Variants in PTPRB observed in about 807,000 individuals in gnomAD.
The protein encoded by PTPRB is receptor-type tyrosine-protein phosphatase beta.
PTPRB carries 97 observed loss-of-function variants against 238.1 expected under a neutral mutation model. That is an observed-to-expected ratio of 0.41 (90% CI 0.35 to 0.48). PTPRB has a LOEUF of 0.48. Among genes scored for constraint, PTPRB ranks in the 20% least tolerant of loss-of-function variants. The probability of loss-of-function intolerance (pLI) is 0.30; values close to 1 mark genes in which losing one functional copy is unlikely to be tolerated. For missense variants in PTPRB, 2,292 were observed against 2,681.9 expected, an observed-to-expected ratio of 0.85 and a Z score of 3.21; for synonymous variants, 970 against 995.4, an observed-to-expected ratio of 0.97 and a Z score of 0.48.
Position 70,569,925 on chromosome 12 carries a change from G to C in PTPRB, c.3384C>G (p.Val1128=). The C allele has an allele frequency of 6.2e-7, 1 of 1,608,348 alleles. No homozygotes were observed. The highest frequency in any genetic ancestry group is 1.1e-5 in the South Asian group (1 of 90,870). Residue 1128 remains valine, a synonymous_variant, in exon 14 of 34, where the codon GTC becomes GTG. Coordinates refer to ENST00000334414, the MANE Select transcript of PTPRB (RefSeq NM_001109754.4). ...CATTGGGAGAAATGTGAATATTTTT[G>C]ACAGCACTAGGAACTAAAACAGAAA... ...FIEGFTVPSA[V]KNIHISPNGA...
Position 70,576,781 on chromosome 12 carries a change from T to C in PTPRB, c.2579-136A>G, listed in dbSNP as rs192276659. 5.6e-4 allele frequency: 338 copies of C among 601,986 alleles called. 1 individual carries two copies. The highest frequency in any genetic ancestry group is 3.1e-3 in the Middle Eastern group (7 of 2,232). The allele number at this position is 601,986 out of a possible 1,614,324, so 37.3% of individuals were successfully genotyped here. On this transcript the variant is annotated intron_variant, in intron 10 of 33. Transcript: ENST00000334414. ...ACTCAGGAGATCTAATCTGATTATA[T>C]AAGAGGTCAAGGAAGCGTGAGGATT...
intron 33 of PTPRB, among the ~76,000 whole-genome samples, chr12:70,522,093 G>C (rs1871720111): frequency 6.6e-6 from 1 of 152,090 alleles, no homozygotes; most frequent in Non-Finnish European, 1.5e-5. Context: ...CTAAATAGTA[G>C]CTCTTTATTT....
At chr12:70,620,794 A>G (rs1431272802) in intron 3 of PTPRB, among the ~76,000 whole-genome samples, 4 of 152,232 alleles carry the variant, frequency 2.6e-5, no homozygotes, top group Non-Finnish European at 5.9e-5. Context: ...TGAGAGCTAA[A>G]TAATGTGTAC....
chr12:70,602,457 T>G (rs1465444889), intron 4 of PTPRB, among the ~76,000 whole-genome samples: 2 of 152,228 alleles, frequency 1.3e-5, no homozygotes, highest in Non-Finnish European at 2.9e-5. Context: ...CTAATCAGAT[T>G]GCTGTCCAAA....
chr12:70,555,685 T>C (rs930375120), intron 19 of PTPRB, among the ~76,000 whole-genome samples, 185 bp downstream of exon 19: 4 of 130,868 alleles, frequency 3.1e-5, no homozygotes, highest in Non-Finnish European at 6.5e-5. Context: ...CAGGGTACTT[T>C]ACCCAGAGAA....
intron 28 of PTPRB, 86 bp from the exon 29 acceptor site, chr12:70,536,245 G>A: frequency 7.0e-7 from 1 of 1,435,842 alleles, no homozygotes; most frequent in Non-Finnish European, 9.4e-7. Context: ...TAGATGATAG[G>A]GAGGTCTCTG....
Position 70,518,730 on chromosome 12 carries a change from C to T in PTPRB, c.*2759G>A, listed in dbSNP as rs431716. On this transcript the variant is annotated 3_prime_UTR_variant, in exon 34 of 34. Coordinates refer to ENST00000334414, the MANE Select transcript of PTPRB (RefSeq NM_001109754.4). ...TGCTTTCCAGAGAACAACAGAATGA[C>T]AATACAAAATTGATTTAATGAGATG... 0.97 allele frequency: 147,176 copies of T among 152,296 alleles called. 71,153 individuals carry two copies. Among genetic ancestry groups the T allele is most frequent in the East Asian group, 1 (5,171 of 5,174 alleles). 9.4% of individuals were successfully genotyped at this position (152,296 alleles called of 1,614,324 possible).
chr12:70,535,954 T>A, intron 29 of PTPRB, 71 bp downstream of exon 29: 1 of 1,587,674 alleles, frequency 6.3e-7, no homozygotes. Flanking sequence ...GGTTTCACTT[T>A]GATGATGGGG....
intron 16 of PTPRB, among the ~76,000 whole-genome samples, chr12:70,561,549 A>G (rs1313891531): frequency 6.6e-6 from 1 of 152,208 alleles, no homozygotes; most frequent in Non-Finnish European, 1.5e-5. Flanking sequence ...AGGTAAGGAA[A>G]GATGTGCAAA....
intron 28 of PTPRB, 120 bp from the exon 29 acceptor site, chr12:70,536,279 GAT>G: frequency 8.4e-7 from 1 of 1,193,178 alleles, no homozygotes; most frequent in Admixed American, 2.5e-5. Flanking sequence ...TTCAGAAAAA[GAT>G]ACTAACACAA....
chr12:70,561,495 T>G (rs1455223806), intron 16 of PTPRB, among the ~76,000 whole-genome samples: 1 of 152,234 alleles, frequency 6.6e-6, no homozygotes, highest in Non-Finnish European at 1.5e-5. Context: ...TTTTGGAGAA[T>G]GAAGACTGTT....
intron 28 of PTPRB, among the ~76,000 whole-genome samples, chr12:70,536,947 C>T (rs192878916): frequency 3.9e-4 from 59 of 152,258 alleles, no homozygotes; most frequent in Non-Finnish European, 7.5e-4. Flanking sequence ...TACTGAGTGC[C>T]GTTCTCAGAC....
intron 22 of PTPRB, chr12:70,541,441 T>C (rs1875098179): frequency 6.5e-6 from 1 of 152,874 alleles, no homozygotes; most frequent in African/African-American, 2.4e-5. Flanking sequence ...AAGAGTGGCC[T>C]CATTTTTAAA....
At chr12:70,619,394 C>T (rs549868102) in intron 3 of PTPRB, among the ~76,000 whole-genome samples, 12 of 152,104 alleles carry the variant, frequency 7.9e-5, no homozygotes, top group African/African-American at 2.9e-4. Flanking sequence ...AATATGCACG[C>T]TCCTTTACAA....
intron 3 of PTPRB, among the ~76,000 whole-genome samples, chr12:70,620,368 T>G (rs1228453468): frequency 6.6e-6 from 1 of 152,206 alleles, no homozygotes; most frequent in Non-Finnish European, 1.5e-5. Flanking sequence ...TAGCTACCCC[T>G]TGGACTTCTC....
At chr12:70,581,987 G>A (rs1881444829) in intron 9 of PTPRB, among the ~76,000 whole-genome samples, 1 of 152,062 alleles carries the variant, frequency 6.6e-6, no homozygotes, top group Non-Finnish European at 1.5e-5. Context: ...ATCATAAAAT[G>A]TAAGTAATTT....
At chr12:70,628,913 G>A (rs1328929789) in intron 2 of PTPRB, among the ~76,000 whole-genome samples, 1 of 152,078 alleles carries the variant, frequency 6.6e-6, no homozygotes, top group Non-Finnish European at 1.5e-5. Context: ...TACTTGGATT[G>A]CACAGAAGAC....
chr12:70,628,571 C>T (rs1327491392), intron 2 of PTPRB, among the ~76,000 whole-genome samples: 1 of 152,076 alleles, frequency 6.6e-6, no homozygotes, highest in East Asian at 1.9e-4. Flanking sequence ...AGTAGCAAAC[C>T]AGTAATTTCC....
Position 70,544,562 on chromosome 12 carries a change from T to A in PTPRB, c.5489A>T (p.Glu1830Val). Residue 1830 changes from glutamate to valine, a missense_variant, in exon 22 of 34, where the codon GAA becomes GTA. Glu to Val is a moderately radical substitution (Grantham distance 121). Transcript: ENST00000334414. ...GATGTAAAGGTTAGCCTTACCTGAT[T>A]CAGTAGTGATGGGTAAAGAAAAAAA... The part of the protein sequence containing the change: ...DTFFSLPITT[E>V]SEPLFGAIEG... 1.2e-6 allele frequency: 2 copies of A among 1,605,862 alleles called. No homozygotes were observed. Among genetic ancestry groups the A allele is most frequent in the Non-Finnish European group, 1.7e-6 (2 of 1,173,290 alleles).
Sources: allele counts gnomAD v4.1 joint callset (sites outside exome capture counted in the v4.1 genomes callset), GRCh38; gene constraint gnomAD v4.1.1; transcripts MANE v1.5; gene names NCBI Gene and HGNC (gene_info 2026-07-23, HGNC 2026-07-21).